IFT81: variants seen among roughly 807,000 people sequenced by gnomAD.
The protein encoded by IFT81 is intraflagellar transport 81.
Under a neutral mutation model 102.6 loss-of-function variants are expected in IFT81, and 72 were observed. The observed-to-expected ratio is 0.70, with a 90% CI of 0.58 to 0.85. IFT81 has a LOEUF of 0.85. IFT81 is among the 40% of genes least tolerant of loss of function. The pLI is 0.00. For synonymous variants in IFT81, 237 were observed against 242.7 expected (o/e 0.98, Z 0.22); for missense variants, 723 against 787.3 (o/e 0.92, Z 0.98).
chr12:110,187,817 T>C (rs1414619520), intron 12 of IFT81, among the ~76,000 whole-genome samples: 1 of 152,216 alleles, frequency 6.6e-6, no homozygotes, highest in Non-Finnish European at 1.5e-5. Context: ...TCCAAAGATA[T>C]AGTTCTCGTA....
At position 110,131,007 on chromosome 12, in the gene IFT81, G is replaced by A. The variant is rs1894129165; in HGVS notation, c.430-1540G>A. Among the ~76,000 whole-genome samples, 3 of 152,030 alleles carry A rather than the reference G, an allele frequency of 2.0e-5. No individual in the cohort carries two copies. The South Asian group carries it at 6.2e-4, about 32-fold the overall frequency. On this transcript the variant is annotated intron_variant, in intron 4 of 18. Transcript: ENST00000242591. ...CCCATCAAAATAACTTTTTGGCCAG[G>A]CACAGTGTCTCATGCCTTTAATCCT... is the stretch of plus-strand genomic sequence containing the variant.
At chr12:110,160,591 T>G (rs931630767) in intron 10 of IFT81, among the ~76,000 whole-genome samples, 2 of 152,218 alleles carry the variant, frequency 1.3e-5, no homozygotes, top group Non-Finnish European at 2.9e-5. Context: ...TCCAGTCCAC[T>G]AACTCAAATG....
At chr12:110,181,864 G>T (rs1897322882) in intron 12 of IFT81, among the ~76,000 whole-genome samples, 1 of 152,140 alleles carries the variant, frequency 6.6e-6, no homozygotes, top group African/African-American at 2.4e-5. Flanking sequence ...TCAGAAGGAG[G>T]GGAGTGAGGG....
intron 10 of IFT81, among the ~76,000 whole-genome samples, chr12:110,149,184 AT>A (rs1333319625): frequency 1.3e-5 from 2 of 152,206 alleles, no homozygotes; most frequent in African/African-American, 4.8e-5. Context: ...TAGACCTGGA[AT>A]TAGGCTTTCT....
At chr12:110,131,476 A>G (rs1455737440) in intron 4 of IFT81, among the ~76,000 whole-genome samples, 3 of 151,926 alleles carry the variant, frequency 2.0e-5, no homozygotes, top group African/African-American at 7.3e-5. Flanking sequence ...GCTCCTGAGT[A>G]GCTGGGATTA....
intron 14 of IFT81, among the ~76,000 whole-genome samples, chr12:110,201,778 A>G (rs1898292265): frequency 6.6e-6 from 1 of 151,710 alleles, no homozygotes; most frequent in Admixed American, 6.6e-5. Flanking sequence ...TTTGTTAAAA[A>G]CTAAGACACA....
intron 4 of IFT81, among the ~76,000 whole-genome samples, chr12:110,130,647 G>T (rs1894108415): frequency 6.6e-6 from 1 of 152,040 alleles, no homozygotes; most frequent in Non-Finnish European, 1.5e-5. Flanking sequence ...GATTACAGGC[G>T]TGAGCCACGG....
At chr12:110,134,543 T>C (rs1003177587) in intron 5 of IFT81, among the ~76,000 whole-genome samples, 2 of 152,186 alleles carry the variant, frequency 1.3e-5, no homozygotes, top group Non-Finnish European at 2.9e-5. Flanking sequence ...TGATGGAAAA[T>C]TGGCAAAATA....
chr12:110,166,339 T>A lies in IFT81; in HGVS notation c.1188+3274T>A, dbSNP rs570760621. Among the ~76,000 whole-genome samples the A allele has an allele frequency of 3.9e-5, 6 of 152,242 alleles. No individual in the cohort carries two copies. In the East Asian group the frequency reaches 7.7e-4, roughly 20 times the overall value. On this transcript the variant is annotated intron_variant, in intron 11 of 18. Coordinates refer to ENST00000242591, the MANE Select transcript of IFT81 (RefSeq NM_014055.4). The stretch of plus-strand genomic sequence containing the variant: ...TAGTTTCTGTTTAGGAATAAATAAT[T>A]TACACAAATTTAAAATGGAATAAGA...
intron 10 of IFT81, among the ~76,000 whole-genome samples, chr12:110,161,411 G>T (rs1362358266): frequency 6.6e-6 from 1 of 150,704 alleles, no homozygotes; most frequent in Non-Finnish European, 1.5e-5. Flanking sequence ...GCCTCCCAAA[G>T]TGCTGGTATT....
chr12:110,201,080 CCTT>C (rs1258815362), intron 14 of IFT81, among the ~76,000 whole-genome samples: 1 of 151,852 alleles, frequency 6.6e-6, no homozygotes, highest in East Asian at 1.9e-4. Context: ...TTCTTTATAT[CCTT>C]CTTTTATATG....
intron 18 of IFT81, among the ~76,000 whole-genome samples, chr12:110,210,595 C>T (rs1372449636): frequency 6.6e-6 from 1 of 151,456 alleles, no homozygotes; most frequent in African/African-American, 2.4e-5. Flanking sequence ...AAAAATTAGC[C>T]AGGCAAGGTG....
At chr12:110,135,274 A>G in intron 6 of IFT81, 53 bp from the exon 7 acceptor site, 1 of 1,164,532 alleles carries the variant, frequency 8.6e-7, no homozygotes, top group South Asian at 1.4e-5. Flanking sequence ...TGACATGCTA[A>G]TTTTTTTCTT....
At chr12:110,208,379 T>C (rs1868961366) in intron 17 of IFT81, among the ~76,000 whole-genome samples, 1 of 152,040 alleles carries the variant, frequency 6.6e-6, no homozygotes. Context: ...TGGCGACACA[T>C]GTCTGTAATC....
At chr12:110,189,282 A>G (rs117955319) in intron 12 of IFT81, among the ~76,000 whole-genome samples, 4,205 of 152,090 alleles carry the variant, frequency 0.028, 86 homozygotes, top group Middle Eastern at 0.082. Context: ...GTGACAACTC[A>G]CCAATTTATA....
At chr12:110,216,665 C>T in intron 18 of IFT81, 1 of 437,506 alleles carries the variant, frequency 2.3e-6, no homozygotes. Flanking sequence ...CACATGCCAC[C>T]ATGTCCGGCT....
In IFT81 at chr12:110,209,422, A is replaced by G. The variant is rs117282207; in HGVS notation, c.1848+206A>G. 4.9e-4 allele frequency among the ~76,000 whole-genome samples: 74 copies of G among 152,316 alleles called. No homozygotes were observed. The East Asian group carries it at 0.014, about 28-fold the overall frequency. On this transcript the variant is annotated intron_variant, in intron 18 of 18. Coordinates refer to ENST00000242591, the MANE Select transcript of IFT81 (RefSeq NM_014055.4). ...CGATGGATTTTTGAAAGAAAAAATT[A>G]TCTATTTTTAAATCACAGAGAGTTC...
chr12:110,197,566 ATATATATATATATATATACCTCACTT>A (rs1244991838), intron 14 of IFT81, among the ~76,000 whole-genome samples: 1 of 143,388 alleles, frequency 7.0e-6, no homozygotes, highest in African/African-American at 2.6e-5. Context: ...ATATATATAT[ATATATATATATATATATACCTCACTT>A]AACAAAGTCT....
At chr12:110,165,114 A>T (rs1896363909) in intron 11 of IFT81, among the ~76,000 whole-genome samples, 2 of 151,686 alleles carry the variant, frequency 1.3e-5, no homozygotes, top group South Asian at 2.1e-4. Flanking sequence ...CTTTTTTTTT[A>T]AGGGGAAAAA....
Sources: allele counts gnomAD v4.1 joint callset (sites outside exome capture counted in the v4.1 genomes callset), GRCh38; gene constraint gnomAD v4.1.1; transcripts MANE v1.5; gene names NCBI Gene and HGNC (gene_info 2026-07-23, HGNC 2026-07-21).